PGM1: variants seen among roughly 807,000 people sequenced by gnomAD.
PGM1 encodes the protein phosphoglucomutase 1.
Under a neutral mutation model 55.6 loss-of-function variants are expected in PGM1, and 52 were observed. The ratio of observed to expected loss-of-function variants is 0.94; its 90% CI spans 0.75 to 1.18. The LOEUF (loss-of-function observed/expected upper bound fraction) is 1.18, where lower values mean the gene tolerates loss of function less well. Among genes scored for constraint, PGM1 ranks in the 50% most tolerant of loss-of-function variants. The pLI is 0.00. For synonymous variants in PGM1, 287 were observed against 271.7 expected (o/e 1.06, Z -0.55); for missense variants, 724 against 729.3 (o/e 0.99, Z 0.08).
At chr1:63,617,619 C>G (rs980641442) in intron 1 of PGM1, among the ~76,000 whole-genome samples, 1 of 149,282 alleles carries the variant, frequency 6.7e-6, no homozygotes. Context: ...GGCTGAGGCA[C>G]GAGAACTCAG....
At chr1:63,652,405 G>T (rs1649833763) in intron 9 of PGM1, among the ~76,000 whole-genome samples, 2 of 152,158 alleles carry the variant, frequency 1.3e-5, no homozygotes, top group Non-Finnish European at 2.9e-5. Context: ...GCAGTACCTG[G>T]CAAGACGCCA....
chr1:63,632,927 G>A (rs1649235602), intron 4 of PGM1, among the ~76,000 whole-genome samples: 1 of 152,168 alleles, frequency 6.6e-6, no homozygotes, highest in Admixed American at 6.5e-5. Context: ...GGAGGCTGAG[G>A]CAGGAGACTA....
At position 63,623,104 on chromosome 1, in the gene PGM1, G is replaced by T. The variant is rs181856921; in HGVS notation, c.247-6321G>T. On this transcript the variant is annotated intron_variant, in intron 1 of 10. Transcript: ENST00000371084. The stretch of plus-strand genomic sequence containing the variant: ...TGTCAGCCACCTGGTGTTTACAGCT[G>T]AAGTTGGCTGCATGCAGCACTCCTT... The T allele has an allele frequency of 9.0e-5, 47 of 519,850 alleles. No homozygotes were observed. In the East Asian group the frequency reaches 3.4e-3, roughly 37 times the overall value. The allele number at this position is 519,850 out of a possible 1,614,324, so 32.2% of individuals were successfully genotyped here. A position where few individuals can be genotyped will look rare whatever the true frequency, so the allele number is the denominator to read the frequency against.
intron 7 of PGM1, among the ~76,000 whole-genome samples, chr1:63,646,800 T>C (rs1649655853): frequency 6.6e-6 from 1 of 152,210 alleles, no homozygotes; most frequent in African/African-American, 2.4e-5. Context: ...CTTTTTATTA[T>C]ACTAATTGGT....
intron 1 of PGM1, among the ~76,000 whole-genome samples, chr1:63,602,287 G>C (rs1648265454): frequency 6.6e-6 from 1 of 152,114 alleles, no homozygotes; most frequent in Non-Finnish European, 1.5e-5. Flanking sequence ...GAAGAATTTT[G>C]GGAAATACCA....
chr1:63,654,430 T>C lies in PGM1; in HGVS notation c.1563T>C (p.Tyr521=), dbSNP rs1649905715. 3 of 1,613,960 alleles carry C rather than the reference T, an allele frequency of 1.9e-6. No individual in the cohort carries two copies. In the African/African-American group the frequency reaches 4.0e-5, roughly 22 times the overall value. ...GATIRLYIDS[Y]EKDVAKINQD... is the part of the protein sequence containing the mutation. ...CCATTCGGCTGTACATCGATAGCTA[T>C]GAGAAGGACGTTGCCAAGATTAACC... The change falls in exon 10 of 11, where the codon TAT becomes TAC. Residue 521 remains tyrosine, a synonymous_variant. Coordinates refer to ENST00000371084, the MANE Select transcript of PGM1 (RefSeq NM_002633.3).
At chr1:63,606,609 C>T (rs772854344) in intron 1 of PGM1, among the ~76,000 whole-genome samples, 5 of 152,244 alleles carry the variant, frequency 3.3e-5, no homozygotes, top group South Asian at 2.1e-4. Context: ...GCACTCATGT[C>T]GCATTAATCA....
At chr1:63,610,793 T>C (rs1648544049) in intron 1 of PGM1, among the ~76,000 whole-genome samples, 1 of 152,184 alleles carries the variant, frequency 6.6e-6, no homozygotes, top group Admixed American at 6.5e-5. Context: ...AGAACTGTTC[T>C]GTATAACTTT....
At chr1:63,601,904 G>C (rs1028185873) in intron 1 of PGM1, among the ~76,000 whole-genome samples, 4 of 152,208 alleles carry the variant, frequency 2.6e-5, no homozygotes, top group Non-Finnish European at 5.9e-5. Context: ...TGCTAATTAA[G>C]TCATGCCAAT....
At chr1:63,619,665 C>T (rs966126063) in intron 1 of PGM1, among the ~76,000 whole-genome samples, 6 of 152,268 alleles carry the variant, frequency 3.9e-5, no homozygotes, top group African/African-American at 4.8e-5. Context: ...AAGTTTAGCA[C>T]GGTTCACAAG....
intron 1 of PGM1, among the ~76,000 whole-genome samples, chr1:63,625,253 G>A (rs1648987297): frequency 6.6e-6 from 1 of 152,166 alleles, no homozygotes; most frequent in African/African-American, 2.4e-5. Flanking sequence ...CTGAAGGTTT[G>A]CTAAATAATA....
At chr1:63,613,819 T>C (rs1280014145) in intron 1 of PGM1, among the ~76,000 whole-genome samples, 1 of 152,036 alleles carries the variant, frequency 6.6e-6, no homozygotes, top group East Asian at 1.9e-4. Flanking sequence ...CACATATACT[T>C]TGCACTTGGG....
chr1:63,599,553 C>T (rs1008837199), intron 1 of PGM1, among the ~76,000 whole-genome samples: 2 of 151,506 alleles, frequency 1.3e-5, no homozygotes, highest in Non-Finnish European at 2.9e-5. Flanking sequence ...GGTGGCTTAC[C>T]GCACTTGAGT....
chr1:63,634,406 A>C (rs72920880), intron 4 of PGM1, among the ~76,000 whole-genome samples: 2,888 of 152,294 alleles, frequency 0.019, 97 homozygotes, highest in African/African-American at 0.065. Context: ...TAACTTTCCC[A>C]AAATTATTAT....
At chr1:63,644,204 T>G (rs193102963) in intron 7 of PGM1, among the ~76,000 whole-genome samples, 2 of 152,340 alleles carry the variant, frequency 1.3e-5, no homozygotes, top group Admixed American at 6.5e-5. Flanking sequence ...AGGTGCTGAT[T>G]AGGCCGAAGT....
chr1:63,631,166 G>A (rs1405389548), intron 3 of PGM1, among the ~76,000 whole-genome samples: 1 of 152,120 alleles, frequency 6.6e-6, no homozygotes, highest in Non-Finnish European at 1.5e-5. Context: ...TGTGAAAAGT[G>A]ATTCATTAAA....
In PGM1 at chr1:63,651,717, G is replaced by A; in HGVS notation, c.1329G>A (p.Lys443=). The A allele has an allele frequency of 1.2e-6, 2 of 1,613,836 alleles. No homozygotes were observed. The highest frequency in any genetic ancestry group is 1.7e-6 in the Non-Finnish European group (2 of 1,179,802). The part of the protein sequence containing the change: ...VEAEGANKMM[K]DLEALMFDRS... ...CTGAGGGCGCAAACAAAATGATGAA[G>A]GACTTGGAGGCCCTGATGTTTGATC... is the stretch of plus-strand genomic sequence containing the variant. The change falls in exon 9 of 11, where the codon AAG becomes AAA. Residue 443 remains lysine, a synonymous_variant. Transcript: ENST00000371084.
At chr1:63,600,868 T>A (rs532060452) in intron 1 of PGM1, among the ~76,000 whole-genome samples, 72 of 152,342 alleles carry the variant, frequency 4.7e-4, no homozygotes, top group Non-Finnish European at 8.8e-4. Context: ...ATATAGATTA[T>A]AAGTATTATT....
In PGM1 at chr1:63,648,659, C is replaced by T. The variant is rs72922610; in HGVS notation, c.1280+7C>T. On this transcript the variant is annotated splice_region_variant and intron_variant, in intron 8 of 10. Transcript: ENST00000371084. Reference sequence around the variant, plus strand: ...GCCGGAATTTCTTCACCAGGTGAGCCACAGCCCAGCTGGGGTACAAGGTAA... The same window carrying T: ...GCCGGAATTTCTTCACCAGGTGAGCTACAGCCCAGCTGGGGTACAAGGTAA... 8,003 of 1,613,570 alleles carry T rather than the reference C, an allele frequency of 5.0e-3. 313 individuals are homozygous for T. In the African/African-American group the frequency reaches 0.092, roughly 19 times the overall value.
Sources: gnomAD v4.1 joint callset for allele counts (sites outside exome capture counted in the v4.1 genomes callset) on GRCh38, gnomAD v4.1.1 for gene constraint, MANE v1.5 for transcripts, NCBI Gene and HGNC (gene_info 2026-07-23, HGNC 2026-07-21) for gene names.